Variants in MEGF10 observed in about 807,000 individuals in gnomAD.
MEGF10 encodes multiple epidermal growth factor-like domains protein 10.
In MEGF10, 86 loss-of-function variants were observed where a neutral mutation model predicts 147.5. That is an observed-to-expected ratio of 0.58 (90% CI 0.49 to 0.70). The LOEUF is 0.70. MEGF10 is among the 30% of genes least tolerant of loss of function. The pLI, the probability that MEGF10 is intolerant of heterozygous loss-of-function variation, is 0.00. For synonymous variants in MEGF10, 478 were observed against 525.5 expected, an observed-to-expected ratio of 0.91 and a Z score of 1.24; for missense variants, 1,329 against 1,487.3, an observed-to-expected ratio of 0.89 and a Z score of 1.75.
the MEGF10 span, among the ~76,000 whole-genome samples, chr5:127,238,723 C>T: frequency 6.6e-6 from 1 of 152,094 alleles, no homozygotes; most frequent in African/African-American, 2.4e-5. Context: ...GATATTCATC[C>T]CCCATCCGTG....
chr5:127,343,030 G>A (rs1402607644), intron 4 of MEGF10, among the ~76,000 whole-genome samples: 2 of 151,852 alleles, frequency 1.3e-5, no homozygotes, highest in Non-Finnish European at 2.9e-5. Context: ...GACTCCCAGT[G>A]ACTTTTCTGT....
At chr5:127,365,529 C>T (rs2126851358) in intron 4 of MEGF10, among the ~76,000 whole-genome samples, 1 of 152,336 alleles carries the variant, frequency 6.6e-6, no homozygotes, top group East Asian at 1.9e-4. Flanking sequence ...CCAGGGTCAT[C>T]ATGTCAGTGC....
chr5:127,317,454 G>A (rs941709889), intron 1 of MEGF10, among the ~76,000 whole-genome samples: 7 of 152,152 alleles, frequency 4.6e-5, no homozygotes, highest in African/African-American at 1.4e-4. Context: ...ATGGTTTTAG[G>A]TCTAACATTT....
the MEGF10 span, among the ~76,000 whole-genome samples, chr5:127,265,706 C>T: frequency 6.6e-6 from 1 of 152,170 alleles, no homozygotes; most frequent in Non-Finnish European, 1.5e-5. Flanking sequence ...CTGTTGGCTG[C>T]ATAAATGTCT....
At chr5:127,340,134 A>T (rs909282743) in intron 3 of MEGF10, among the ~76,000 whole-genome samples, 2 of 152,184 alleles carry the variant, frequency 1.3e-5, no homozygotes, top group African/African-American at 4.8e-5. Flanking sequence ...ATCAGTGAAT[A>T]AATGGCACTT....
chr5:127,317,179 T>G (rs1358509404), intron 1 of MEGF10, among the ~76,000 whole-genome samples: 2 of 152,166 alleles, frequency 1.3e-5, no homozygotes, highest in East Asian at 3.8e-4. Context: ...GGGTTGTTTG[T>G]TTTTTTCTTG....
intron 2 of MEGF10, among the ~76,000 whole-genome samples, chr5:127,335,446 A>G (rs1761424127): frequency 6.6e-6 from 1 of 152,168 alleles, no homozygotes; most frequent in African/African-American, 2.4e-5. Flanking sequence ...CAGCCTAAGC[A>G]CTGGCCATAG....
intron 2 of MEGF10, among the ~76,000 whole-genome samples, chr5:127,332,505 G>A (rs1761302247): frequency 6.6e-6 from 1 of 152,200 alleles, no homozygotes; most frequent in East Asian, 1.9e-4. Flanking sequence ...GGACATGCTG[G>A]TTTCTCACTC....
chr5:127,386,981 G>A (rs902718851), intron 5 of MEGF10, among the ~76,000 whole-genome samples: 1 of 152,202 alleles, frequency 6.6e-6, no homozygotes, highest in Non-Finnish European at 1.5e-5. Context: ...GTTCTGTAGC[G>A]ATGAATTGGC....
At chr5:127,435,262 C>A in intron 15 of MEGF10, 99 bp from the exon 16 acceptor site, 1 of 1,404,724 alleles carries the variant, frequency 7.1e-7, no homozygotes, top group Admixed American at 2.2e-5. Context: ...CAATGAGCAG[C>A]TGGGCCTGTG....
At chr5:127,377,025 G>A (rs1042900345) in intron 5 of MEGF10, among the ~76,000 whole-genome samples, 1 of 152,156 alleles carries the variant, frequency 6.6e-6, no homozygotes, top group Admixed American at 6.5e-5. Context: ...AACCCTCTGA[G>A]AGACGTTGAG....
intron 5 of MEGF10, among the ~76,000 whole-genome samples, chr5:127,379,703 G>A (rs958380323): frequency 1.3e-5 from 2 of 149,042 alleles, no homozygotes; most frequent in Non-Finnish European, 3.0e-5. Flanking sequence ...GGGTTCAAGT[G>A]ATTCTTGTCT....
At chr5:127,361,922 G>A (rs1425571553) in intron 4 of MEGF10, among the ~76,000 whole-genome samples, 1 of 152,040 alleles carries the variant, frequency 6.6e-6, no homozygotes, top group East Asian at 1.9e-4. Flanking sequence ...AAAATTGATT[G>A]AGATTTGTTT....
chr5:127,459,171 C>T lies in MEGF10; in HGVS notation c.*1853C>T, dbSNP rs2017717357. ...GCTAGTAGTGCACATAAGTGATTAT[C>T]CCTGCCAGGTATCGAGTTGGAATAT... On this transcript the variant is annotated 3_prime_UTR_variant, in exon 25 of 25. Transcript: ENST00000503335. 6.6e-6 allele frequency: 1 copy of T among 152,168 alleles called. No homozygotes were observed. The highest frequency in any genetic ancestry group is 1.5e-5 in the Non-Finnish European group (1 of 68,042). The allele number at this position is 152,168 out of a possible 1,614,324, so 9.4% of individuals were successfully genotyped here.
chr5:127,373,202 G>A lies in MEGF10; in HGVS notation c.412+3200G>A, dbSNP rs543579818. 2.3e-3 allele frequency among the ~76,000 whole-genome samples: 352 copies of A among 152,234 alleles called. 3 individuals carry two copies. The highest frequency in any genetic ancestry group is 3.6e-3 in the Non-Finnish European group (242 of 68,026). ...GAGTCTCGCTCTGTCACCTAGGCTG[G>A]AGTGCAATGGCTGATCTTGGCTCAC... On this transcript the variant is annotated intron_variant, in intron 5 of 24. Transcript: ENST00000503335.
intron 1 of MEGF10, among the ~76,000 whole-genome samples, chr5:127,322,655 A>G (rs1484386285): frequency 6.6e-6 from 1 of 152,222 alleles, no homozygotes; most frequent in East Asian, 1.9e-4. Context: ...TGAAATAACA[A>G]ATGTTTGTTC....
intron 1 of MEGF10, among the ~76,000 whole-genome samples, chr5:127,301,427 G>A (rs982448894): frequency 5.9e-5 from 9 of 152,072 alleles, no homozygotes; most frequent in Admixed American, 4.6e-4. Context: ...GGGGCCCTTC[G>A]CTTTGAAATG....
intron 5 of MEGF10, among the ~76,000 whole-genome samples, chr5:127,381,551 C>T (rs1763265114): frequency 6.6e-6 from 1 of 152,208 alleles, no homozygotes; most frequent in East Asian, 1.9e-4. Flanking sequence ...TGGGCTACTG[C>T]CCGATTCTAA....
intron 4 of MEGF10, among the ~76,000 whole-genome samples, chr5:127,366,879 G>A (rs17763126): frequency 0.011 from 1,700 of 152,078 alleles, 21 homozygotes; most frequent in East Asian, 0.047. Context: ...TATCTTTTTT[G>A]GAGTTAACAA....
Sources: gnomAD v4.1 joint callset for allele counts (sites outside exome capture counted in the v4.1 genomes callset) on GRCh38, gnomAD v4.1.1 for gene constraint, MANE v1.5 for transcripts, NCBI Gene and HGNC (gene_info 2026-07-23, HGNC 2026-07-21) for gene names.